The following FBH1 variants were observed in gnomAD, a reference collection of about 807,000 sequenced individuals.
The protein encoded by FBH1 is F-box DNA helicase 1, also known as DNA 3'-5' helicase 1.
FBH1 carries 43 observed loss-of-function variants against 115.5 expected under a neutral mutation model. The observed-to-expected ratio is 0.37, with a 90% CI of 0.29 to 0.48. The LOEUF (loss-of-function observed/expected upper bound fraction) is 0.48, where lower values mean the gene tolerates loss of function less well. Ranked by LOEUF, FBH1 falls within the 20% of genes least tolerant of loss-of-function variation. The pLI is 0.99. For synonymous variants in FBH1, 524 were observed against 507.8 expected (o/e 1.03, Z -0.43); for missense variants, 1,001 against 1,337.3 (o/e 0.75, Z 3.92).
intron 1 of FBH1, among the ~76,000 whole-genome samples, chr10:5,896,671 G>A (rs895968619): frequency 2.0e-5 from 3 of 152,076 alleles, no homozygotes; most frequent in Middle Eastern, 3.2e-3. Context: ...AACTCTGGGG[G>A]CCTTGTAGAG....
intron 1 of FBH1, chr10:5,894,622 C>G: frequency 1.4e-6 from 1 of 735,702 alleles, no homozygotes; most frequent in East Asian, 2.5e-5. Context: ...CTTAGGAGCT[C>G]TGGGAGAGTT....
rs1477003460 is a variant in FBH1, at chr10:5,921,516, G to A, written c.2269G>A (p.Glu757Lys). 1 of 1,597,926 alleles carries A rather than the reference G, an allele frequency of 6.3e-7. No homozygotes were observed. The highest frequency in any genetic ancestry group is 2.2e-5 in the East Asian group (1 of 44,826). Residue 757 changes from glutamate (E) to lysine (K), a missense_variant, in exon 15 of 21, where the codon GAG becomes AAG. Around this residue, in one of 4 missense-constraint regions of FBH1, gnomAD observed 521 missense variants for 811.0 expected, o/e 0.64. Coordinates refer to ENST00000362091, the MANE Select transcript of FBH1 (RefSeq NM_178150.3). The surrounding 1 kb of genome is among the most constrained non-coding windows in gnomAD (Gnocchi z 6.4). Reference protein sequence around the residue: ...LSRTNANVFDEAVRVTEGEFP... With the variant: ...LSRTNANVFDKAVRVTEGEFP... Reference sequence around the variant, plus strand: ...CCGGACCAACGCCAACGTGTTTGATGAGGCCGTACGGGTGACGGAAGGGGA... The same window carrying A: ...CCGGACCAACGCCAACGTGTTTGATAAGGCCGTACGGGTGACGGAAGGGGA...
Position 5,936,330 on chromosome 10 carries a change from G to C in FBH1, c.2830-126G>C. The stretch of plus-strand genomic sequence containing the variant: ...GGAAGTAAGGGAGAACGGGTTAGGC[G>C]GGGTTTTTCTCTCTGGGACTTACAG... On this transcript the variant is annotated intron_variant, in intron 19 of 20. Transcript: ENST00000362091. This position sits in a 1 kb window ranked among gnomAD's most constrained non-coding sequence, Gnocchi z 5.6. 2 of 1,069,250 alleles carry C rather than the reference G, an allele frequency of 1.9e-6. No homozygotes were observed. The highest frequency in any genetic ancestry group is 2.7e-6 in the Non-Finnish European group (2 of 739,836). The allele number at this position is 1,069,250 out of a possible 1,614,324, so 66.2% of individuals were successfully genotyped here.
chr10:5,900,815 A>C lies in FBH1; in HGVS notation c.2-2205A>C, dbSNP rs1246796466. Among the ~76,000 whole-genome samples the C allele has an allele frequency of 6.6e-6, 1 of 152,186 alleles. No individual in the cohort carries two copies. Among genetic ancestry groups the C allele is most frequent in the Non-Finnish European group, 1.5e-5 (1 of 68,024 alleles). On this transcript the variant is annotated intron_variant, in intron 1 of 20. Transcript: ENST00000362091. This position sits in a 1 kb window ranked among gnomAD's most constrained non-coding sequence, Gnocchi z 4.2. Reference sequence around the variant, plus strand: ...ATTTTCAAGCTTAAAGGAAATGTCAAGCTGGGCACAGTGGCTCACATCTGT... The same window carrying C: ...ATTTTCAAGCTTAAAGGAAATGTCACGCTGGGCACAGTGGCTCACATCTGT...
rs1833379203 is a variant in FBH1 at position 5,936,654 on chromosome 10, TC to T, written c.2961+68del. 2 of 1,591,232 alleles carry T rather than the reference TC, an allele frequency of 1.3e-6. No homozygotes were observed. The highest frequency in any genetic ancestry group is 2.7e-5 in the African/African-American group (2 of 74,496). Reference sequence around the variant, plus strand: ...TTTTTGCTTGTGAGCTCTGTGCTTATCTGGGTTGTAGGTGAGGAGATAAGAG... The same window carrying T: ...TTTTTGCTTGTGAGCTCTGTGCTTATTGGGTTGTAGGTGAGGAGATAAGAG... On this transcript the variant is annotated intron_variant, in intron 20 of 20. Transcript: ENST00000362091. The surrounding 1 kb of genome is among the most constrained non-coding windows in gnomAD (Gnocchi z 5.6).
At position 5,910,839 on chromosome 10, in the gene FBH1, C is replaced by A; in HGVS notation, c.1021-99C>A. On this transcript the variant is annotated intron_variant, in intron 5 of 20. Transcript: ENST00000362091. The surrounding 1 kb of genome is among the most constrained non-coding windows in gnomAD (Gnocchi z 4.8). ...AGTCCAGACAGTCTGTAGCCAGCAG[C>A]TGGACCCGTGGCTCGGCTTTCCTGA... The A allele has an allele frequency of 2.0e-6, 2 of 1,023,902 alleles. No homozygotes were observed. Among genetic ancestry groups the A allele is most frequent in the Non-Finnish European group, 2.8e-6 (2 of 708,356 alleles). 63.4% of individuals were successfully genotyped at this position (1,023,902 alleles called of 1,614,324 possible).
intron 2 of FBH1, among the ~76,000 whole-genome samples, chr10:5,903,621 G>GC (rs966659627): frequency 6.6e-6 from 1 of 151,948 alleles, no homozygotes; most frequent in Non-Finnish European, 1.5e-5. Flanking sequence ...GAGCCACCGC[G>GC]CCCCGCCGAG....
intron 1 of FBH1, among the ~76,000 whole-genome samples, chr10:5,896,367 G>T (rs1001662955): frequency 6.6e-6 from 1 of 152,108 alleles, no homozygotes; most frequent in Non-Finnish European, 1.5e-5. Context: ...GGAATTGCTG[G>T]GGTAGGGCTA....
chr10:5,934,948 C>A (rs1246980777), intron 19 of FBH1: 1 of 152,162 alleles, frequency 6.6e-6, no homozygotes, highest in Non-Finnish European at 1.5e-5. Flanking sequence ...TCCCAAAGTG[C>A]TGGGACTACA....
Position 5,895,149 on chromosome 10 carries a change from C to A in FBH1, c.1+4803C>A. The A allele has an allele frequency of 6.2e-7, 1 of 1,613,612 alleles. No homozygotes were observed. The highest frequency in any genetic ancestry group is 8.5e-7 in the Non-Finnish European group (1 of 1,179,738). ...CATCTCCACAGGAGATGCCAGAGGA[C>A]GAGTGCCCACTTGCTGGTCTTCACA... On this transcript the variant is annotated intron_variant, in intron 1 of 20. Transcript: ENST00000362091. The surrounding 1 kb of genome is among the most constrained non-coding windows in gnomAD (Gnocchi z 5.0).
intron 1 of FBH1, among the ~76,000 whole-genome samples, chr10:5,892,590 A>G (rs1302629834): frequency 2.0e-5 from 3 of 152,248 alleles, no homozygotes; most frequent in African/African-American, 7.2e-5. Flanking sequence ...CAGATTTCAG[A>G]GGACCTCCTG....
intron 19 of FBH1, among the ~76,000 whole-genome samples, chr10:5,929,050 C>T (rs1458954692): frequency 6.6e-6 from 1 of 152,124 alleles, no homozygotes; most frequent in Non-Finnish European, 1.5e-5. Context: ...ATTCAACTCT[C>T]AGAGGTGTTA....
upstream of FBH1, chr10:5,890,040 G>GGGCGTGGCCCGGTAGCTGT: frequency 3.5e-6 from 1 of 284,884 alleles, no homozygotes. Flanking sequence ...AGCGCGGATG[G>GGGCGTGGCCCGGTAGCTGT]GGCGTGGCCC....
intron 19 of FBH1, among the ~76,000 whole-genome samples, chr10:5,929,002 C>T (rs1832817906): frequency 6.6e-6 from 1 of 152,172 alleles, no homozygotes; most frequent in Non-Finnish European, 1.5e-5. Context: ...CCACAGGGTG[C>T]AGGCAGGGTG....
chr10:5,925,623 CCACAAAA>C lies in FBH1; in HGVS notation c.2722+135_2722+141del, dbSNP rs1274286254. On this transcript the variant is annotated intron_variant, in intron 18 of 20. Transcript: ENST00000362091. The surrounding 1 kb of genome is among the most constrained non-coding windows in gnomAD (Gnocchi z 4.6). ...GTAGGGCACTTCTGGAAAAACTAAA[CCACAAAA>C]CACCTCCTAGTCCTAAACTTTTGAT... 90 of 1,273,698 alleles carry C rather than the reference CCACAAAA, an allele frequency of 7.1e-5. No individual in the cohort carries two copies. Among genetic ancestry groups the C allele is most frequent in the Non-Finnish European group, 9.1e-5 (84 of 921,882 alleles). The allele number at this position is 1,273,698 out of a possible 1,614,324, so 78.9% of individuals were successfully genotyped here.
chr10:5,928,500 A>G (rs934050275), intron 19 of FBH1: 1 of 152,214 alleles, frequency 6.6e-6, no homozygotes, highest in Non-Finnish European at 1.5e-5. Flanking sequence ...TTGTGCACCC[A>G]GCCTTCCTCC....
Position 5,917,359 on chromosome 10 carries a change from C to G in FBH1, c.1789-61C>G. 1 of 1,419,956 alleles carries G rather than the reference C, an allele frequency of 7.0e-7. No individual in the cohort carries two copies. Among genetic ancestry groups the G allele is most frequent in the Non-Finnish European group, 9.9e-7 (1 of 1,011,936 alleles). 88.0% of individuals were successfully genotyped at this position (1,419,956 alleles called of 1,614,324 possible). On this transcript the variant is annotated intron_variant, in intron 10 of 20. Coordinates refer to ENST00000362091, the MANE Select transcript of FBH1 (RefSeq NM_178150.3). This position sits in a 1 kb window ranked among gnomAD's most constrained non-coding sequence, Gnocchi z 5.6. The stretch of plus-strand genomic sequence containing the variant: ...GCTGTATGGGAGTTGACAGTGTGAC[C>G]GCAGGGTGCTGCCTTTGCCAGGGTC...
At chr10:5,892,571 G>T (rs1659502324) in intron 1 of FBH1, among the ~76,000 whole-genome samples, 1 of 152,124 alleles carries the variant, frequency 6.6e-6, no homozygotes, top group African/African-American at 2.4e-5. Context: ...GCCTTTTGAA[G>T]ACCAGTCTCA....
At position 5,921,226 on chromosome 10, in the gene FBH1, G is replaced by A; in HGVS notation, c.2101-32G>A. 4 of 1,602,578 alleles carry A rather than the reference G, an allele frequency of 2.5e-6. No individual in the cohort carries two copies. The highest frequency in any genetic ancestry group is 3.4e-6 in the Non-Finnish European group (4 of 1,169,788). On this transcript the variant is annotated intron_variant, in intron 13 of 20. Transcript: ENST00000362091. The surrounding 1 kb of genome is among the most constrained non-coding windows in gnomAD (Gnocchi z 6.4). ...AATGCACGGACACACCACAGGGCGG[G>A]CTGCTGACTCCCTCTGTCTTGTTGT...
Sources: gnomAD v4.1 joint callset for allele counts (sites outside exome capture counted in the v4.1 genomes callset) on GRCh38, gnomAD v4.1.1 for gene constraint, gnomAD v4.1.1 regional missense constraint, Gnocchi (gnomAD v3.1) non-coding constraint, MANE v1.5 for transcripts, NCBI Gene and HGNC (gene_info 2026-07-23, HGNC 2026-07-21) for gene names.